TPM4: variants seen among roughly 807,000 people sequenced by gnomAD.
TPM4 encodes tropomyosin 4, also known as tropomyosin alpha-4 chain.
In TPM4, 17 loss-of-function variants were observed where a neutral mutation model predicts 35.8. That is an observed-to-expected ratio of 0.47 (90% CI 0.32 to 0.71). The LOEUF is 0.71. Among genes scored for constraint, TPM4 ranks in the 30% least tolerant of loss-of-function variants. The pLI, the probability that TPM4 is intolerant of heterozygous loss-of-function variation, is 0.03. For missense variants in TPM4, 240 were observed against 320.9 expected (o/e 0.75, Z 1.93); for synonymous variants, 120 against 122.9 (o/e 0.98, Z 0.15).
chr19:16,069,374 AGT>A lies in TPM4; in HGVS notation c.114+1643_114+1644del, dbSNP rs1181065104. 2.9e-3 allele frequency among the ~76,000 whole-genome samples: 422 copies of A among 143,116 alleles called. 1 individual carries two copies. Among genetic ancestry groups the A allele is most frequent in the African/African-American group, 0.01 (382 of 37,766 alleles). The allele number at this position is 143,116 out of a possible 152,430, so 93.9% of individuals were successfully genotyped here. ...CTATTGGTGTGTATGTGTGTGGATGAGTGTGTGTTTCTATTGGTGTGTGTGTA... is the reference window on the plus strand; with the variant it reads ...CTATTGGTGTGTATGTGTGTGGATGAGTGTGTTTCTATTGGTGTGTGTGTA... On this transcript the variant is annotated intron_variant, in intron 2 of 2. Transcript: ENST00000589897.
At chr19:16,077,407 C>T (rs1008780104) in intron 1 of TPM4, 12 of 152,200 alleles carry the variant, frequency 7.9e-5, no homozygotes, top group Non-Finnish European at 1.2e-4. Context: ...GCGCGGGGCC[C>T]TGAACCCACG....
intron 5 of TPM4, among the ~76,000 whole-genome samples, chr19:16,092,029 G>A (rs1045570485): frequency 6.6e-5 from 10 of 152,046 alleles, no homozygotes; most frequent in African/African-American, 2.4e-4. Context: ...AAATTAGCTG[G>A]GCATGGTGGT....
chr19:16,078,291 G>T, intron 1 of TPM4: 1 of 393,756 alleles, frequency 2.5e-6, no homozygotes, highest in East Asian at 3.6e-5. Flanking sequence ...AGGCAAGAAA[G>T]TTGTATGATG....
In TPM4 at chr19:16,081,222, ACT is replaced by A. The variant is rs1011824741; in HGVS notation, c.133-686_133-685del. Reference sequence around the variant, plus strand: ...TAAGAATCTCACAGTGAGCCCTAGAACTCTCTACGTGGTAACACTGTGTGCCT... The same window carrying A: ...TAAGAATCTCACAGTGAGCCCTAGAACTCTACGTGGTAACACTGTGTGCCT... On this transcript the variant is annotated intron_variant, in intron 1 of 7. Coordinates refer to ENST00000643579, the MANE Select transcript of TPM4 (RefSeq NM_003290.3). The A allele has an allele frequency of 2.8e-4, 110 of 395,260 alleles. No homozygotes were observed. The East Asian group carries it at 3.1e-3, about 11-fold the overall frequency. 24.5% of individuals were successfully genotyped at this position (395,260 alleles called of 1,614,324 possible).
At chr19:16,092,444 T>TA (rs1205726360) in intron 5 of TPM4, among the ~76,000 whole-genome samples, 9 of 152,100 alleles carry the variant, frequency 5.9e-5, no homozygotes, top group Non-Finnish European at 1.2e-4. Context: ...TTCTGATCAA[T>TA]ACCATCCTAC....
At chr19:16,092,186 AAAAAAG>A (rs919811783) in intron 5 of TPM4, among the ~76,000 whole-genome samples, 20 of 152,056 alleles carry the variant, frequency 1.3e-4, no homozygotes, top group East Asian at 7.7e-4. Flanking sequence ...TGAAAAAAAA[AAAAAAG>A]AAAAGAAAAG....
rs752488156 is a variant in TPM4, at chr19:16,088,078, C to T, written c.436C>T (p.Arg146Cys). The T allele has an allele frequency of 7.4e-6, 12 of 1,611,928 alleles. No homozygotes were observed. Among genetic ancestry groups the T allele is most frequent in the South Asian group, 4.4e-5 (4 of 90,452 alleles). The change falls in exon 4 of 8, where the codon CGT becomes TGT. Residue 146 changes from arginine (R) to cysteine (C), a missense_variant. Transcript: ENST00000643579. Reference protein sequence around the residue: ...LEGELERAEERAEVSELKCGD... With the variant: ...LEGELERAEECAEVSELKCGD... The stretch of plus-strand genomic sequence containing the variant: ...GGGTGAGCTGGAGAGGGCAGAGGAG[C>T]GTGCGGAGGTGTCTGAACTGTGAGT...
chr19:16,081,699 C>T (rs1182524808), intron 1 of TPM4: 1 of 463,756 alleles, frequency 2.2e-6, no homozygotes, highest in Non-Finnish European at 3.5e-6. Context: ...TGGCGATGCT[C>T]ATCTTTTGCT....
chr19:16,094,706 TAA>T (rs2090673082), intron 7 of TPM4, among the ~76,000 whole-genome samples: 1 of 151,204 alleles, frequency 6.6e-6, no homozygotes, highest in Non-Finnish European at 1.5e-5. Context: ...GGGACTGCAA[TAA>T]AGACTAGTCT....
chr19:16,078,749 GA>G (rs1281418163), intron 1 of TPM4, among the ~76,000 whole-genome samples: 3 of 147,050 alleles, frequency 2.0e-5, no homozygotes, highest in African/African-American at 7.5e-5. Flanking sequence ...AAAAGTTCTT[GA>G]AAAAGCAAAG....
intron 7 of TPM4, among the ~76,000 whole-genome samples, chr19:16,097,190 C>T (rs1410175659): frequency 6.6e-6 from 1 of 151,896 alleles, no homozygotes; most frequent in Non-Finnish European, 1.5e-5. Context: ...CTGGCCTCAA[C>T]TGATCCGCCC....
Position 16,076,614 on chromosome 19 carries a change from C to T in TPM4, c.49C>T (p.Leu17=). Residue 17 remains leucine (L), a synonymous_variant, in exon 1 of 8, where the codon CTG becomes TTG. Transcript: ENST00000643579. ...LEAVKRKIQA[L]QQQADEAEDR... is the part of the protein sequence containing the mutation. ...GGCGGTGAAACGCAAGATCCAGGCC[C>T]TGCAGCAGCAGGCGGACGAGGCGGA... 1 of 1,464,428 alleles carries T rather than the reference C, an allele frequency of 6.8e-7. No individual in the cohort carries two copies. The highest frequency in any genetic ancestry group is 1.3e-5 in the South Asian group (1 of 77,444). 90.7% of individuals were successfully genotyped at this position (1,464,428 alleles called of 1,614,324 possible).
intron 2 of TPM4, among the ~76,000 whole-genome samples, chr19:16,069,585 GGT>G (rs1228706867): frequency 1.4e-5 from 2 of 139,368 alleles, no homozygotes; most frequent in Non-Finnish European, 3.1e-5. Flanking sequence ...TGTTTCTATT[GGT>G]GTGTGTGGAT....
At chr19:16,073,127 T>C (rs182510021), upstream of TPM4, among the ~76,000 whole-genome samples, 221 of 152,188 alleles carry the variant, frequency 1.5e-3, no homozygotes, top group Non-Finnish European at 2.3e-3. Context: ...GAGGATCCCT[T>C]GAGCCCAGGA....
upstream of TPM4, among the ~76,000 whole-genome samples, chr19:16,072,077 C>G (rs2090361404): frequency 6.6e-6 from 1 of 152,248 alleles, no homozygotes; most frequent in Non-Finnish European, 1.5e-5. Flanking sequence ...GCCTCGGCCT[C>G]CCGTAGTGCT....
At chr19:16,096,493 T>C (rs576230710) in intron 7 of TPM4, among the ~76,000 whole-genome samples, 13 of 152,238 alleles carry the variant, frequency 8.5e-5, no homozygotes, top group Non-Finnish European at 1.8e-4. Flanking sequence ...GAGGCTCCCC[T>C]TGAATGGGGC....
chr19:16,073,614 C>G (rs79681834), upstream of TPM4, among the ~76,000 whole-genome samples: 3,413 of 152,160 alleles, frequency 0.022, 117 homozygotes, highest in African/African-American at 0.073. Context: ...AGCTGGCCAC[C>G]CTGGATTGGG....
At position 16,067,581 on chromosome 19, in the gene TPM4, A is replaced by T; in HGVS notation, c.-44A>T. 6.4e-7 allele frequency: 1 copy of T among 1,573,226 alleles called. No individual in the cohort carries two copies. The highest frequency in any genetic ancestry group is 1.1e-5 in the South Asian group (1 of 89,208). On this transcript the variant is annotated 5_prime_UTR_variant, in exon 2 of 3. Coordinates refer to the TPM4 transcript ENST00000589897. This position sits in a 1 kb window ranked among gnomAD's most constrained non-coding sequence, Gnocchi z 4.1. Reference sequence around the variant, plus strand: ...AGCCCCTGACTGCCGCAGCCCCCACAGAGCCCGCCGCGCACCCCACGTCCC... The same window carrying T: ...AGCCCCTGACTGCCGCAGCCCCCACTGAGCCCGCCGCGCACCCCACGTCCC...
At chr19:16,082,818 C>G (rs1386711445) in intron 2 of TPM4, among the ~76,000 whole-genome samples, 1 of 151,792 alleles carries the variant, frequency 6.6e-6, no homozygotes, top group Admixed American at 6.6e-5. Flanking sequence ...GTGGTGAGAC[C>G]CTGTCTCTAC....
Sources: allele counts gnomAD v4.1 joint callset (sites outside exome capture counted in the v4.1 genomes callset), GRCh38; gene constraint gnomAD v4.1.1; non-coding constraint Gnocchi (gnomAD v3.1); transcripts MANE v1.5; gene names NCBI Gene and HGNC (gene_info 2026-07-23, HGNC 2026-07-21).